The following PABPC4L variants were observed in gnomAD, a reference collection of about 807,000 sequenced individuals.
The protein encoded by PABPC4L is polyadenylate-binding protein 4-like.
For synonymous variants in PABPC4L, 169 were observed against 164.1 expected, an observed-to-expected ratio of 1.03 and a Z score of -0.23; for missense variants, 452 against 451.4, an observed-to-expected ratio of 1.00 and a Z score of -0.01.
At chr4:134,182,282 T>C in the PABPC4L span, among the ~76,000 whole-genome samples, 3 of 151,740 alleles carry the variant, frequency 2.0e-5, no homozygotes, top group Non-Finnish European at 4.4e-5. Context: ...CAGTGGAACA[T>C]AATAGAGAGC....
At chr4:134,085,055 G>A in the PABPC4L span, among the ~76,000 whole-genome samples, 5 of 151,996 alleles carry the variant, frequency 3.3e-5, no homozygotes, top group East Asian at 1.9e-4. Flanking sequence ...CAAATGGTGC[G>A]AATTTCCTGA....
the PABPC4L span, among the ~76,000 whole-genome samples, chr4:134,084,149 A>G: frequency 6.6e-6 from 1 of 152,236 alleles, no homozygotes; most frequent in South Asian, 2.1e-4. Context: ...CCTGGGCCCA[A>G]GGGATTATCC....
chr4:134,118,246 G>A, the PABPC4L span, among the ~76,000 whole-genome samples: 1 of 151,770 alleles, frequency 6.6e-6, no homozygotes, highest in African/African-American at 2.4e-5. Context: ...TTCCTGTAAA[G>A]GATGTCTCAA....
At chr4:134,107,934 A>G in the PABPC4L span, among the ~76,000 whole-genome samples, 1 of 151,506 alleles carries the variant, frequency 6.6e-6, no homozygotes, top group African/African-American at 2.4e-5. Flanking sequence ...TCATTTTTGA[A>G]CTCACACTTT....
rs892755850 is a variant in PABPC4L at position 134,199,961 on chromosome 4, A to G, written c.1059T>C (p.Asn353=). 4 of 1,551,512 alleles carry G rather than the reference A, an allele frequency of 2.6e-6. No individual in the cohort carries two copies. The highest frequency in any genetic ancestry group is 1.4e-5 in the African/African-American group (1 of 73,022). Residue 353 remains asparagine, a synonymous_variant, in exon 2 of 2, where the codon AAT becomes AAC. Transcript: ENST00000421491. ...GAGGTTTGGAGCCCAAGATGCGGCC[A>G]TTCATCTCAGTCATTGCTTTAGTAG... ...EDATKAMTEM[N]GRILGSKPLS...
chr4:134,125,309 C>CTT, the PABPC4L span, among the ~76,000 whole-genome samples: 1 of 151,704 alleles, frequency 6.6e-6, no homozygotes, highest in Non-Finnish European at 1.5e-5. Context: ...CAACATCCTC[C>CTT]TCTTTTTTTT....
At chr4:133,970,414 T>C in the PABPC4L span, among the ~76,000 whole-genome samples, 415 of 152,320 alleles carry the variant, frequency 2.7e-3, 1 homozygote, top group Non-Finnish European at 3.5e-3. Flanking sequence ...TATACAGAGA[T>C]GGCTGAAAAT....
the PABPC4L span, among the ~76,000 whole-genome samples, chr4:133,986,376 A>G: frequency 6.6e-6 from 1 of 152,230 alleles, no homozygotes; most frequent in South Asian, 2.1e-4. Flanking sequence ...AAGTAAAATG[A>G]AGCACATTGA....
At chr4:134,157,394 T>A in the PABPC4L span, among the ~76,000 whole-genome samples, 6 of 151,714 alleles carry the variant, frequency 4.0e-5, no homozygotes, top group Non-Finnish European at 8.9e-5. Context: ...ATATAATATC[T>A]AAATTATTGA....
the PABPC4L span, among the ~76,000 whole-genome samples, chr4:134,154,236 G>A: frequency 1.3e-5 from 2 of 152,042 alleles, no homozygotes; most frequent in Non-Finnish European, 2.9e-5. Context: ...TAGGCAGACT[G>A]CCTGAGCTCA....
At chr4:133,955,018 G>A in the PABPC4L span, among the ~76,000 whole-genome samples, 435 of 152,064 alleles carry the variant, frequency 2.9e-3, 1 homozygote, top group Middle Eastern at 0.017. Context: ...GGTAATTTTT[G>A]TTCCTATTAC....
chr4:134,130,550 T>TA, the PABPC4L span, among the ~76,000 whole-genome samples: 5 of 150,258 alleles, frequency 3.3e-5, no homozygotes, highest in Admixed American at 2.7e-4. Context: ...ATTTGCCAAG[T>TA]AAAAAAAAAG....
the PABPC4L span, among the ~76,000 whole-genome samples, chr4:134,106,344 T>G: frequency 6.6e-6 from 1 of 151,606 alleles, no homozygotes; most frequent in East Asian, 1.9e-4. Flanking sequence ...TTTAGAAAAA[T>G]ATTTGTATAG....
the PABPC4L span, among the ~76,000 whole-genome samples, chr4:134,169,964 T>C: frequency 6.6e-6 from 1 of 152,192 alleles, no homozygotes; most frequent in South Asian, 2.1e-4. Flanking sequence ...ATACAAATAA[T>C]CTTGTTACTA....
chr4:134,148,746 G>A, the PABPC4L span, among the ~76,000 whole-genome samples: 1 of 151,958 alleles, frequency 6.6e-6, no homozygotes, highest in African/African-American at 2.4e-5. Flanking sequence ...TAAAAATTAT[G>A]GTCTGTTATC....
At position 134,198,969 on chromosome 4, in the gene PABPC4L, C is replaced by T. The variant is rs1018980868; in HGVS notation, c.*938G>A. 3 of 151,772 alleles carry T rather than the reference C, an allele frequency of 2.0e-5. No individual in the cohort carries two copies. Among genetic ancestry groups the T allele is most frequent in the African/African-American group, 7.2e-5 (3 of 41,394 alleles). The allele number at this position is 151,772 out of a possible 1,614,324, so 9.4% of individuals were successfully genotyped here. ...ATAGAGGAACTTACTTTTCTGAACC[C>T]TAAGAGAAAATCACTACACAAAACA... On this transcript the variant is annotated 3_prime_UTR_variant, in exon 2 of 2. Coordinates refer to ENST00000421491, the MANE Select transcript of PABPC4L (RefSeq NM_001114734.2).
downstream of PABPC4L, among the ~76,000 whole-genome samples, chr4:134,195,187 T>C (rs372906165): frequency 6.6e-6 from 1 of 151,760 alleles, no homozygotes; most frequent in South Asian, 2.1e-4. Context: ...AATTCTAAGA[T>C]TTGCCTTGCA....
At chr4:133,998,737 GT>G in the PABPC4L span, among the ~76,000 whole-genome samples, 380 of 147,480 alleles carry the variant, frequency 2.6e-3, 3 homozygotes, top group African/African-American at 8.9e-3. Flanking sequence ...GATAATTATG[GT>G]TTTTTTTTTC....
chr4:134,127,336 G>T, the PABPC4L span, among the ~76,000 whole-genome samples: 1 of 151,986 alleles, frequency 6.6e-6, no homozygotes, highest in Non-Finnish European at 1.5e-5. Context: ...CCTGGCTAGA[G>T]GACTACCAAC....
Sources: gnomAD v4.1 joint callset for allele counts (sites outside exome capture counted in the v4.1 genomes callset) on GRCh38, gnomAD v4.1.1 for gene constraint, MANE v1.5 for transcripts, NCBI Gene and HGNC (gene_info 2026-07-23, HGNC 2026-07-21) for gene names.